The following MIPEP variants were observed in gnomAD, a reference collection of about 807,000 sequenced individuals.
The protein encoded by MIPEP is mitochondrial intermediate peptidase.
A neutral mutation model predicts 90.3 loss-of-function variants in MIPEP; 79 were observed. That is an observed-to-expected ratio of 0.87 (90% CI 0.73 to 1.05). The LOEUF is 1.05. MIPEP is among the 50% of genes least tolerant of loss of function. The pLI, the probability that MIPEP is intolerant of heterozygous loss-of-function variation, is 0.00. For missense variants in MIPEP, 940 were observed against 905.6 expected (o/e 1.04, Z -0.49); for synonymous variants, 334 against 315.8 (o/e 1.06, Z -0.61).
At chr13:23,835,456 C>A (rs529360855) in intron 14 of MIPEP, among the ~76,000 whole-genome samples, 2 of 152,016 alleles carry the variant, frequency 1.3e-5, no homozygotes, top group Admixed American at 1.3e-4. Context: ...TAATTCTATT[C>A]GTCCCCTCAT....
At chr13:23,828,593 A>G (rs2137439998) in intron 14 of MIPEP, among the ~76,000 whole-genome samples, 1 of 152,352 alleles carries the variant, frequency 6.6e-6, no homozygotes, top group South Asian at 2.1e-4. Context: ...GGCATCCAGG[A>G]CGAAGCCCAA....
intron 14 of MIPEP, among the ~76,000 whole-genome samples, chr13:23,811,396 G>C (rs1953169303): frequency 1.3e-5 from 2 of 152,176 alleles, no homozygotes; most frequent in African/African-American, 4.8e-5. Flanking sequence ...TTCTAGTGCA[G>C]AGGCCAAGAT....
At chr13:23,859,050 T>C (rs1033552132) in intron 9 of MIPEP, 138 bp from the exon 10 acceptor site, 108 of 722,982 alleles carry the variant, frequency 1.5e-4, no homozygotes, top group Middle Eastern at 1.5e-3. Context: ...CCTTAAAAAA[T>C]TGATAGCTTG....
At chr13:23,823,273 G>A (rs903150482) in intron 14 of MIPEP, among the ~76,000 whole-genome samples, 1 of 152,106 alleles carries the variant, frequency 6.6e-6, no homozygotes, top group Admixed American at 6.5e-5. Context: ...AAATCTCAGA[G>A]TATCCTATTT....
chr13:23,756,653 T>G (rs1952494097), intron 17 of MIPEP, 35 bp from the exon 18 acceptor site: 2 of 1,592,714 alleles, frequency 1.3e-6, no homozygotes, highest in African/African-American at 2.7e-5. Context: ...GACTCCTGCT[T>G]GCACAGCCTC....
intron 14 of MIPEP, among the ~76,000 whole-genome samples, chr13:23,822,426 C>T (rs746985282): frequency 3.3e-5 from 5 of 152,164 alleles, no homozygotes; most frequent in East Asian, 1.9e-4. Context: ...TGCCCCACCC[C>T]GCAAGGCTGT....
In MIPEP at chr13:23,828,882, C is replaced by T. The variant is rs1041134060; in HGVS notation, c.1653+7358G>A. Among the ~76,000 whole-genome samples the T allele has an allele frequency of 7.2e-5, 11 of 152,158 alleles. No homozygotes were observed. In the South Asian group the frequency reaches 8.3e-4, roughly 11 times the overall value. ...ATTTTGAAGAACAAATCGAGGAAGG[C>T]CTATCCTTCCAGATATCAAGGCTTA... On this transcript the variant is annotated intron_variant, in intron 14 of 18. Transcript: ENST00000382172.
intron 16 of MIPEP, among the ~76,000 whole-genome samples, chr13:23,801,282 C>CAT (rs1206468311): frequency 6.6e-6 from 1 of 152,158 alleles, no homozygotes; most frequent in Non-Finnish European, 1.5e-5. Flanking sequence ...CATCCCAACC[C>CAT]ATATATCCAG....
intron 16 of MIPEP, among the ~76,000 whole-genome samples, chr13:23,787,695 G>A (rs1952862109): frequency 6.6e-6 from 1 of 152,186 alleles, no homozygotes; most frequent in East Asian, 1.9e-4. Flanking sequence ...ATTGCGAAAA[G>A]TCTAGTTACC....
chr13:23,858,809 C>T, intron 10 of MIPEP, 51 bp downstream of exon 10: 1 of 1,516,234 alleles, frequency 6.6e-7, no homozygotes, highest in Non-Finnish European at 9.2e-7. Context: ...GCTGAATAAA[C>T]ATTAGTTTCC....
intron 1 of MIPEP, 48 bp downstream of exon 1, chr13:23,889,084 G>C (rs567899355): frequency 2.2e-6 from 3 of 1,362,858 alleles, no homozygotes; most frequent in African/African-American, 3.1e-5. Context: ...GCGGAGCAGG[G>C]GTCGGCTTAG....
rs765968272 is a variant in MIPEP, at chr13:23,886,507, C to G, written c.190-1G>C. On this transcript the variant is annotated splice_acceptor_variant, in intron 1 of 18. Coordinates refer to ENST00000382172, the MANE Select transcript of MIPEP (RefSeq NM_005932.4). LOFTEE classifies it high-confidence loss of function. ...TCAGCTCAGGAACTCCAAAAAGACC[C>G]TTAGAACCAAAGAATACGTCTGATT... is the stretch of plus-strand genomic sequence containing the variant. The G allele has an allele frequency of 1.3e-6, 2 of 1,562,040 alleles. No homozygotes were observed. Among genetic ancestry groups the G allele is most frequent in the Non-Finnish European group, 1.7e-6 (2 of 1,156,482 alleles).
chr13:23,867,828 A>G (rs183872584), intron 7 of MIPEP, among the ~76,000 whole-genome samples: 10 of 152,278 alleles, frequency 6.6e-5, no homozygotes, highest in African/African-American at 2.2e-4. Context: ...CTAACCTTAG[A>G]TTCCTTATCT....
intron 1 of MIPEP, among the ~76,000 whole-genome samples, chr13:23,888,327 T>C (rs1871606314): frequency 6.6e-6 from 1 of 152,150 alleles, no homozygotes; most frequent in Non-Finnish European, 1.5e-5. Flanking sequence ...AATCACACAC[T>C]TTAGCTCAGT....
chr13:23,841,184 G>C lies in MIPEP; in HGVS notation c.1260+151C>G, dbSNP rs1040826388. ...CTTTATACAGTGTCTTAAATCAGAA[G>C]TGCAATTTGGATTTTTTTTGTGAAG... On this transcript the variant is annotated intron_variant, in intron 11 of 18. Coordinates refer to ENST00000382172, the MANE Select transcript of MIPEP (RefSeq NM_005932.4). The C allele has an allele frequency of 9.3e-6, 6 of 647,528 alleles. No homozygotes were observed. In the East Asian group the frequency reaches 1.7e-4, roughly 19 times the overall value. 40.1% of individuals were successfully genotyped at this position (647,528 alleles called of 1,614,324 possible).
chr13:23,766,069 G>A (rs1252280269), intron 16 of MIPEP: 1 of 152,064 alleles, frequency 6.6e-6, no homozygotes, highest in East Asian at 1.9e-4. Flanking sequence ...ATTTTTCTTC[G>A]CCGGATTCTT....
intron 10 of MIPEP, among the ~76,000 whole-genome samples, chr13:23,844,441 C>T (rs1869445790): frequency 6.6e-6 from 1 of 152,122 alleles, no homozygotes; most frequent in South Asian, 2.1e-4. Context: ...AGAATCAAGG[C>T]CACAGAGCAA....
intron 3 of MIPEP, among the ~76,000 whole-genome samples, 185 bp downstream of exon 3, chr13:23,881,514 T>C (rs1871267449): frequency 6.6e-6 from 1 of 152,240 alleles, no homozygotes; most frequent in South Asian, 2.1e-4. Flanking sequence ...TAAGGCCCAG[T>C]GCCTGCCTGC....
chr13:23,811,143 T>A (rs1033651968), intron 14 of MIPEP, among the ~76,000 whole-genome samples: 1 of 152,232 alleles, frequency 6.6e-6, no homozygotes, highest in East Asian at 1.9e-4. Context: ...ACAGATTGTG[T>A]CAAAATGTTC....
Sources: gnomAD v4.1 joint callset for allele counts (sites outside exome capture counted in the v4.1 genomes callset) on GRCh38, gnomAD v4.1.1 for gene constraint, MANE v1.5 for transcripts, NCBI Gene and HGNC (gene_info 2026-07-23, HGNC 2026-07-21) for gene names.